PXDN: variants seen among roughly 807,000 people sequenced by gnomAD.
PXDN encodes peroxidasin.
In PXDN, 77 loss-of-function variants were observed where a neutral mutation model predicts 140.3. The observed-to-expected ratio is 0.55, with a 90% CI of 0.46 to 0.66. The LOEUF (loss-of-function observed/expected upper bound fraction) is 0.66. Ranked by LOEUF, PXDN falls within the 30% of genes least tolerant of loss-of-function variation. The probability of loss-of-function intolerance (pLI) is 0.00; values close to 1 mark genes in which losing one functional copy is unlikely to be tolerated. For missense variants in PXDN, 1,838 were observed against 2,039.5 expected (o/e 0.90, Z 1.90); for synonymous variants, 911 against 857.4 (o/e 1.06, Z -1.09).
At chr2:1,744,154 C>G in intron 1 of PXDN, 102 bp downstream of exon 1, 11 of 1,116,572 alleles carry the variant, frequency 9.9e-6, no homozygotes, top group Non-Finnish European at 1.2e-5. Flanking sequence ...GCGCCCGATG[C>G]CCCCTCCACC....
In PXDN at chr2:1,639,013, A is replaced by G. The variant is rs1334212558; in HGVS notation, c.4074-35T>C. 1.2e-6 allele frequency: 2 copies of G among 1,610,816 alleles called. No individual in the cohort carries two copies. The highest frequency in any genetic ancestry group is 1.7e-6 in the Non-Finnish European group (2 of 1,177,572). ...GGGGAAAGGAGGAGGAGGGAAATAT[A>G]ACCTTGGCAGGTCACGCCGGGTCTC... On this transcript the variant is annotated intron_variant, in intron 20 of 22. Coordinates refer to ENST00000252804, the MANE Select transcript of PXDN (RefSeq NM_012293.3). This position sits in a 1 kb window ranked among gnomAD's most constrained non-coding sequence, Gnocchi z 5.0.
intron 14 of PXDN, among the ~76,000 whole-genome samples, chr2:1,658,064 CTCTCTCTCTCTCT>C (rs1558494388): frequency 5.5e-5 from 6 of 109,310 alleles, no homozygotes; most frequent in Middle Eastern, 4.5e-3. Context: ...CTCTCTCTCT[CTCTCTCTCTCTCT>C]CTCTCTCTCT....
intron 21 of PXDN, among the ~76,000 whole-genome samples, chr2:1,638,181 G>C (rs1030746364): frequency 2.6e-5 from 4 of 152,142 alleles, no homozygotes; most frequent in African/African-American, 9.7e-5. Context: ...CGCACCTTGG[G>C]AATCCCATCC....
At chr2:1,705,911 G>A (rs1356565291) in intron 1 of PXDN, among the ~76,000 whole-genome samples, 2 of 152,136 alleles carry the variant, frequency 1.3e-5, no homozygotes, top group East Asian at 1.9e-4. Flanking sequence ...CCCGCGTGGA[G>A]TGTGGGGCTA....
intron 1 of PXDN, among the ~76,000 whole-genome samples, chr2:1,743,677 G>A (rs1685605394): frequency 1.1e-5 from 1 of 93,810 alleles, no homozygotes; most frequent in Non-Finnish European, 2.1e-5. Flanking sequence ...GGAGGAGGAG[G>A]AGGAAGGGGA....
At chr2:1,735,093 A>C (rs1322722073) in intron 1 of PXDN, among the ~76,000 whole-genome samples, 2 of 152,258 alleles carry the variant, frequency 1.3e-5, no homozygotes, top group East Asian at 3.9e-4. Context: ...GTTTATCATG[A>C]AGTTGCAGCA....
intron 1 of PXDN, among the ~76,000 whole-genome samples, chr2:1,722,650 C>T (rs1174609029): frequency 6.6e-6 from 1 of 152,226 alleles, no homozygotes; most frequent in African/African-American, 2.4e-5. Context: ...GCATTCTGAA[C>T]TTAGGAGAAA....
At chr2:1,728,744 G>C (rs1031471592) in intron 1 of PXDN, among the ~76,000 whole-genome samples, 1 of 152,194 alleles carries the variant, frequency 6.6e-6, no homozygotes, top group Non-Finnish European at 1.5e-5. Context: ...TCAGGAATGG[G>C]GGACAGTGTT....
chr2:1,668,280 C>T (rs1285040972), intron 9 of PXDN, among the ~76,000 whole-genome samples: 1 of 152,180 alleles, frequency 6.6e-6, no homozygotes, highest in Admixed American at 6.5e-5. Flanking sequence ...CCCTTCCTTA[C>T]ACCTTATACA....
chr2:1,662,057 C>T lies in PXDN; in HGVS notation c.1680+15G>A. On this transcript the variant is annotated intron_variant, in intron 13 of 22. Coordinates refer to ENST00000252804, the MANE Select transcript of PXDN (RefSeq NM_012293.3). ...GTATCTGGGTGGTGGCTGGCTCGGG[C>T]ACCAGACCGCCTACCTTGTTCCAGG... The T allele has an allele frequency of 3.2e-6, 5 of 1,569,148 alleles. No homozygotes were observed. Among genetic ancestry groups the T allele is most frequent in the Non-Finnish European group, 4.3e-6 (5 of 1,156,960 alleles).
intron 2 of PXDN, among the ~76,000 whole-genome samples, 177 bp downstream of exon 2, chr2:1,692,886 T>C (rs1684216498): frequency 6.6e-6 from 1 of 152,164 alleles, no homozygotes; most frequent in South Asian, 2.1e-4. Context: ...AGAAACACAG[T>C]GGCCACAGTC....
At chr2:1,721,125 C>T (rs1413912457) in intron 1 of PXDN, among the ~76,000 whole-genome samples, 1 of 152,192 alleles carries the variant, frequency 6.6e-6, no homozygotes, top group Non-Finnish European at 1.5e-5. Context: ...TTCACAGAAA[C>T]ATCCAGAATA....
intron 9 of PXDN, 50 bp from the exon 10 acceptor site, chr2:1,666,536 G>A: frequency 6.5e-7 from 1 of 1,527,490 alleles, no homozygotes; most frequent in Non-Finnish European, 8.8e-7. Flanking sequence ...GGTTTGACAT[G>A]GTTTTTGCTT....
In PXDN at chr2:1,663,667, C is replaced by T; in HGVS notation, c.1505G>A (p.Cys502Tyr). ...VALHDQGQYE[C>Y]QAVNIIGSQK... is the part of the protein sequence containing the mutation. Reference sequence around the variant, plus strand: ...GGAGCCGATGATGTTGACAGCCTGGCATTCGTACTGGCCCTGGTCGTGGAG... The same window carrying T: ...GGAGCCGATGATGTTGACAGCCTGGTATTCGTACTGGCCCTGGTCGTGGAG... The change falls in exon 12 of 23, where the codon TGC (cysteine) becomes TAC (tyrosine). Residue 502 changes from cysteine (C) to tyrosine (Y), a missense_variant. By Grantham distance (194) the Cys-to-Tyr change is radical. This residue lies in a region of PXDN where 537 missense variants were observed against 583.9 expected (regional missense o/e 0.92). Transcript: ENST00000252804. 3 of 1,614,000 alleles carry T rather than the reference C, an allele frequency of 1.9e-6. No individual in the cohort carries two copies. The highest frequency in any genetic ancestry group is 2.5e-6 in the Non-Finnish European group (3 of 1,179,910).
intron 14 of PXDN, among the ~76,000 whole-genome samples, chr2:1,657,171 G>A (rs1463523777): frequency 2.1e-5 from 3 of 141,860 alleles, no homozygotes; most frequent in Admixed American, 6.9e-5. Flanking sequence ...CCTACTGACT[G>A]GGGGGGAACC....
chr2:1,702,727 C>G (rs1684465239), intron 1 of PXDN, among the ~76,000 whole-genome samples: 1 of 151,832 alleles, frequency 6.6e-6, no homozygotes, highest in South Asian at 2.1e-4. Context: ...CTCCCAGGTT[C>G]AAGCAATTCT....
rs192479044 is a variant in PXDN at position 1,676,442 on chromosome 2, G to C, written c.848+485C>G. 5.9e-4 allele frequency: 97 copies of C among 164,860 alleles called. 1 individual carries two copies. Among genetic ancestry groups the C allele is most frequent in the Middle Eastern group, 3.0e-3 (1 of 332 alleles). The allele number at this position is 164,860 out of a possible 1,614,324, so 10.2% of individuals were successfully genotyped here. On this transcript the variant is annotated intron_variant, in intron 8 of 22. Transcript: ENST00000252804. ...TTTGGGAGACAAGTTAGATCCACAC[G>C]GGAGCTGAGCGAACCTGTGTCAGCA... is the stretch of plus-strand genomic sequence containing the variant.
chr2:1,649,858 C>T lies in PXDN; in HGVS notation c.2105-183G>A, dbSNP rs571010957. ...GCTCACCTCCTGTTTGGTAAAACTG[C>T]TCCTCCCCTCCTCCAGCCCCAAACA... On this transcript the variant is annotated intron_variant, in intron 16 of 22. Coordinates refer to ENST00000252804, the MANE Select transcript of PXDN (RefSeq NM_012293.3). This position sits in a 1 kb window ranked among gnomAD's most constrained non-coding sequence, Gnocchi z 7.1. Among the ~76,000 whole-genome samples, 1 of 152,248 alleles carries T rather than the reference C, an allele frequency of 6.6e-6. No homozygotes were observed. The highest frequency in any genetic ancestry group is 2.1e-4 in the South Asian group (1 of 4,830).
chr2:1,717,964 G>A (rs144868765), intron 1 of PXDN, among the ~76,000 whole-genome samples: 66 of 140,698 alleles, frequency 4.7e-4, no homozygotes, highest in Admixed American at 1.4e-3. Context: ...CCCACTAACC[G>A]ACCACCCAAA....
Sources: allele counts gnomAD v4.1 joint callset (sites outside exome capture counted in the v4.1 genomes callset), GRCh38; gene constraint gnomAD v4.1.1; regional missense constraint gnomAD v4.1.1; non-coding constraint Gnocchi (gnomAD v3.1); transcripts MANE v1.5; gene names NCBI Gene and HGNC (gene_info 2026-07-23, HGNC 2026-07-21).